Variants in PRRC2C observed in about 807,000 individuals in gnomAD.
PRRC2C encodes the protein protein PRRC2C.
Under a neutral mutation model 317.2 loss-of-function variants are expected in PRRC2C, and 72 were observed. That is an observed-to-expected ratio of 0.23 (90% confidence interval 0.19 to 0.28). The LOEUF is 0.28. Among genes scored for constraint, PRRC2C ranks in the 10% least tolerant of loss-of-function variants. PRRC2C has a pLI of 1.00. For missense variants in PRRC2C, 3,074 were observed against 3,459.7 expected, an observed-to-expected ratio of 0.89 and a Z score of 2.80; for synonymous variants, 1,296 against 1,205.9, an observed-to-expected ratio of 1.07 and a Z score of -1.55.
At chr1:171,512,871 TA>T (rs1261027199) in intron 2 of PRRC2C, 123 bp from the exon 3 acceptor site, 2 of 903,408 alleles carry the variant, frequency 2.2e-6, no homozygotes, top group Admixed American at 6.8e-5. Context: ...ATTATTATTT[TA>T]AAATACATGA....
At chr1:171,506,115 T>C (rs912448032) in intron 1 of PRRC2C, among the ~76,000 whole-genome samples, 2 of 152,224 alleles carry the variant, frequency 1.3e-5, no homozygotes, top group African/African-American at 4.8e-5. Flanking sequence ...TAGACTGGTC[T>C]CGAACTCCTG....
At position 171,527,773 on chromosome 1, in the gene PRRC2C, C is replaced by CT; in HGVS notation, c.1201-15dup. On this transcript the variant is annotated splice_polypyrimidine_tract_variant and intron_variant, in intron 10 of 34. Coordinates refer to ENST00000647382, the MANE Select transcript of PRRC2C (RefSeq NM_001387844.1). The stretch of plus-strand genomic sequence containing the variant: ...TGTCTCCAAAATAATAAGAATAATT[C>CT]TTTCTTCTTTATAATAGGAACGTGG... 1 of 1,549,336 alleles carries CT rather than the reference C, an allele frequency of 6.5e-7. No homozygotes were observed. Among genetic ancestry groups the CT allele is most frequent in the Non-Finnish European group, 8.8e-7 (1 of 1,141,378 alleles).
chr1:171,530,638 T>C (rs1675662535), intron 11 of PRRC2C, among the ~76,000 whole-genome samples: 1 of 146,402 alleles, frequency 6.8e-6, no homozygotes, highest in Non-Finnish European at 1.5e-5. Flanking sequence ...CAAAAGAAAA[T>C]GTAAGAATGG....
intron 1 of PRRC2C, among the ~76,000 whole-genome samples, chr1:171,486,690 G>A (rs1666188782): frequency 1.3e-5 from 2 of 152,138 alleles, no homozygotes; most frequent in South Asian, 2.1e-4. Flanking sequence ...AGAGTACTTA[G>A]AATTGTACAG....
intron 11 of PRRC2C, among the ~76,000 whole-genome samples, chr1:171,528,381 T>C (rs1252041481): frequency 2.0e-5 from 3 of 151,596 alleles, no homozygotes; most frequent in East Asian, 2.0e-4. Flanking sequence ...CTCTGCCTCC[T>C]GGGTTCACAG....
Position 171,542,145 on chromosome 1 carries a change from A to C in PRRC2C, c.4679A>C (p.Asn1560Thr). 1 of 1,611,944 alleles carries C rather than the reference A, an allele frequency of 6.2e-7. No individual in the cohort carries two copies. The highest frequency in any genetic ancestry group is 8.5e-7 in the Non-Finnish European group (1 of 1,179,044). The change falls in exon 16 of 35, where the codon AAT (asparagine) becomes ACT (threonine). Residue 1560 changes from asparagine (N) to threonine (T), a missense_variant. By Grantham distance (65) the Asn-to-Thr change is moderately conservative. Transcript: ENST00000647382. ...PVDRQNRRGN[N>T]GPPKSGRNFS... is the part of the protein sequence containing the mutation. ...GATCGTCAGAATCGACGTGGCAACAATGGTCCACCCAAATCAGGAAGGAAT... is the reference window on the plus strand; with the variant it reads ...GATCGTCAGAATCGACGTGGCAACACTGGTCCACCCAAATCAGGAAGGAAT...
chr1:171,510,189 A>AG (rs1472770564), intron 1 of PRRC2C: 2 of 152,166 alleles, frequency 1.3e-5, no homozygotes, highest in Non-Finnish European at 2.9e-5. Context: ...CAGTAGGTGT[A>AG]GGAAGGAAAG....
chr1:171,574,219 T>C lies in PRRC2C; in HGVS notation c.6754-708T>C, dbSNP rs1218017010. 2.6e-5 allele frequency among the ~76,000 whole-genome samples: 4 copies of C among 152,244 alleles called. No individual in the cohort carries two copies. The East Asian group carries it at 7.7e-4, about 29-fold the overall frequency. ...GTTTTAGTTATAATATTATAAATATTGGGTTGAATTAAATGTTTTCAAAAT... is the reference window on the plus strand; with the variant it reads ...GTTTTAGTTATAATATTATAAATATCGGGTTGAATTAAATGTTTTCAAAAT... On this transcript the variant is annotated intron_variant, in intron 24 of 34. Coordinates refer to ENST00000647382, the MANE Select transcript of PRRC2C (RefSeq NM_001387844.1).
intron 23 of PRRC2C, among the ~76,000 whole-genome samples, chr1:171,569,402 AT>A (rs1684289469): frequency 6.6e-6 from 1 of 151,198 alleles, no homozygotes. Context: ...GGGTCACTTA[AT>A]CCAATTTTTG....
chr1:171,555,818 A>G (rs1402130299), intron 18 of PRRC2C, among the ~76,000 whole-genome samples: 1 of 152,154 alleles, frequency 6.6e-6, no homozygotes, highest in Non-Finnish European at 1.5e-5. Context: ...AACAGCAAAT[A>G]TTGCTGCCTG....
At position 171,579,874 on chromosome 1, in the gene PRRC2C, A is replaced by G; in HGVS notation, c.7319A>G (p.Gln2440Arg). Residue 2440 changes from glutamine (Q) to arginine (R), a missense_variant, in exon 28 of 35, where the codon CAA becomes CGA. Physicochemically the swap from Gln to Arg is conservative, Grantham distance 43. Transcript: ENST00000647382. Reference sequence around the variant, plus strand: ...CCAATCCCTATTTATGCACCACTGCAAGGGCAGCATCAAGCCCAACTGAGT... The same window carrying G: ...CCAATCCCTATTTATGCACCACTGCGAGGGCAGCATCAAGCCCAACTGAGT... ...QIPIPIYAPL[Q>R]GQHQAQLSLG... 1 of 1,594,414 alleles carries G rather than the reference A, an allele frequency of 6.3e-7. No individual in the cohort carries two copies. The highest frequency in any genetic ancestry group is 8.5e-7 in the Non-Finnish European group (1 of 1,172,836).
intron 3 of PRRC2C, among the ~76,000 whole-genome samples, chr1:171,514,251 AGTGTGTGTGTATGTGT>A (rs1557889697): frequency 7.6e-6 from 1 of 131,748 alleles, no homozygotes; most frequent in African/African-American, 3.3e-5. Flanking sequence ...TTTAATTAAA[AGTGTGTGTGTATGTGT>A]GTGTGTGTGT....
At chr1:171,582,362 T>C (rs235493) in intron 28 of PRRC2C, among the ~76,000 whole-genome samples, 121,992 of 152,162 alleles carry the variant, frequency 0.8, 49,046 homozygotes, top group Middle Eastern at 0.89. Flanking sequence ...AATCTTGAAA[T>C]AAGTTGCTTT....
rs767753442 is a variant in PRRC2C, at chr1:171,537,315, G to A, written c.2346G>A (p.Pro782=). The change falls in exon 15 of 35, where the codon CCG becomes CCA. Residue 782 remains proline, a synonymous_variant. Coordinates refer to ENST00000647382, the MANE Select transcript of PRRC2C (RefSeq NM_001387844.1). ...LMRRDQMEGS[P]NSSESFEHIA... is the part of the protein sequence containing the mutation. ...GAAGAGACCAGATGGAAGGGTCACC[G>A]AACAGTTCTGAGTCATTTGAGCATA... 36 of 1,600,430 alleles carry A rather than the reference G, an allele frequency of 2.2e-5. No homozygotes were observed. The East Asian group carries it at 2.7e-4, about 12-fold the overall frequency.
At chr1:171,495,839 A>G (rs1467477604) in intron 1 of PRRC2C, among the ~76,000 whole-genome samples, 3 of 152,172 alleles carry the variant, frequency 2.0e-5, no homozygotes, top group Non-Finnish European at 4.4e-5. Context: ...ACAAAATAGT[A>G]TAGACTGGAT....
At chr1:171,575,270 C>T (rs1053924472) in intron 25 of PRRC2C, 142 bp downstream of exon 25, 18 of 805,878 alleles carry the variant, frequency 2.2e-5, no homozygotes, top group Non-Finnish European at 2.5e-5. Context: ...GCTGGGATTA[C>T]AGGCATGAGC....
intron 28 of PRRC2C, among the ~76,000 whole-genome samples, chr1:171,581,393 A>T (rs1054611190): frequency 6.6e-6 from 1 of 152,212 alleles, no homozygotes; most frequent in African/African-American, 2.4e-5. Context: ...GAGTACAGTG[A>T]TTAATTAGTA....
Position 171,584,133 on chromosome 1 carries a change from G to A in PRRC2C, c.7587G>A (p.Leu2529=), listed in dbSNP as rs746243174. Reference sequence around the variant, plus strand: ...TTCCTATATTGTATGAACATCAACTGGGGCAGGCATCAGGACTAGGAGGTT... The same window carrying A: ...TTCCTATATTGTATGAACATCAACTAGGGCAGGCATCAGGACTAGGAGGTT... ...QPIPILYEHQ[L]GQASGLGGSQ... is the part of the protein sequence containing the mutation. The change falls in exon 29 of 35, where the codon CTG becomes CTA. Residue 2529 remains leucine, a synonymous_variant. Transcript: ENST00000647382. The A allele has an allele frequency of 4.3e-6, 7 of 1,613,952 alleles. No homozygotes were observed. Among genetic ancestry groups the A allele is most frequent in the South Asian group, 2.2e-5 (2 of 91,080 alleles).
chr1:171,533,902 G>GT (rs1676329275), intron 12 of PRRC2C, among the ~76,000 whole-genome samples: 1 of 152,144 alleles, frequency 6.6e-6, no homozygotes. Flanking sequence ...GATTGTAGAC[G>GT]TGAGCCACCG....
Sources: allele counts gnomAD v4.1 joint callset (sites outside exome capture counted in the v4.1 genomes callset), GRCh38; gene constraint gnomAD v4.1.1; transcripts MANE v1.5; gene names NCBI Gene and HGNC (gene_info 2026-07-23, HGNC 2026-07-21).